Variants in GALNT17 observed in about 807,000 individuals in gnomAD.
GALNT17 encodes polypeptide N-acetylgalactosaminyltransferase 17.
GALNT17 carries 29 observed loss-of-function variants against 63.7 expected under a neutral mutation model. The ratio of observed to expected loss-of-function variants is 0.46; its 90% CI spans 0.34 to 0.62. GALNT17 has a LOEUF of 0.62. GALNT17 is among the 20% of genes least tolerant of loss of function. The pLI is 0.01. For synonymous variants in GALNT17, 305 were observed against 318.3 expected, an observed-to-expected ratio of 0.96 and a Z score of 0.45; for missense variants, 603 against 799.6, an observed-to-expected ratio of 0.75 and a Z score of 2.97.
At chr7:71,526,565 G>A (rs1422989195) in intron 5 of GALNT17, among the ~76,000 whole-genome samples, 1 of 151,938 alleles carries the variant, frequency 6.6e-6, no homozygotes, top group Non-Finnish European at 1.5e-5. Context: ...TGTCGCCCAG[G>A]CTGGAGTGCA....
chr7:71,418,850 C>T (rs1786602929), intron 4 of GALNT17, among the ~76,000 whole-genome samples: 1 of 152,188 alleles, frequency 6.6e-6, no homozygotes, highest in Admixed American at 6.5e-5. Context: ...CACCTCTCAG[C>T]ACTTTGGGAG....
chr7:71,340,065 G>T (rs1431876956), intron 2 of GALNT17, among the ~76,000 whole-genome samples: 1 of 152,236 alleles, frequency 6.6e-6, no homozygotes, highest in African/African-American at 2.4e-5. Context: ...CATGAGGTGG[G>T]TGGGGGTTTG....
chr7:71,149,363 G>A (rs1171360340), intron 1 of GALNT17, among the ~76,000 whole-genome samples: 1 of 152,144 alleles, frequency 6.6e-6, no homozygotes, highest in Non-Finnish European at 1.5e-5. Context: ...TTGTCCAGAG[G>A]CACCTACCAG....
intron 5 of GALNT17, among the ~76,000 whole-genome samples, chr7:71,550,977 A>C (rs1460895094): frequency 2.0e-5 from 3 of 151,760 alleles, no homozygotes; most frequent in African/African-American, 7.3e-5. Context: ...AGATTTGTTG[A>C]GCTTTGAATA....
rs187432852 is a variant in GALNT17, at chr7:71,297,248, A to G, written c.239-38302A>G. On this transcript the variant is annotated intron_variant, in intron 1 of 10. Transcript: ENST00000333538. ...AGTCTCAAAGCTGATCTCATACACC[A>G]AAAGACGCCTGGGGCCGGGCACAGT... is the stretch of plus-strand genomic sequence containing the variant. 1.3e-4 allele frequency among the ~76,000 whole-genome samples: 20 copies of G among 152,258 alleles called. No individual in the cohort carries two copies. The East Asian group carries it at 3.5e-3, about 26-fold the overall frequency.
intron 1 of GALNT17, among the ~76,000 whole-genome samples, chr7:71,271,219 A>AAT (rs1790582641): frequency 6.6e-6 from 1 of 152,208 alleles, no homozygotes; most frequent in South Asian, 2.1e-4. Flanking sequence ...TTTTCTTTAC[A>AAT]ATAGCCCATA....
chr7:71,326,517 T>C (rs1052182515), intron 1 of GALNT17, among the ~76,000 whole-genome samples: 1 of 152,118 alleles, frequency 6.6e-6, no homozygotes, highest in South Asian at 2.1e-4. Context: ...CTCCCAACAT[T>C]CCAACTTCCA....
At chr7:71,242,679 A>G (rs1790021478) in intron 1 of GALNT17, among the ~76,000 whole-genome samples, 1 of 152,162 alleles carries the variant, frequency 6.6e-6, no homozygotes, top group Non-Finnish European at 1.5e-5. Context: ...CTTGGACTAC[A>G]AGGAAGAGGG....
At chr7:71,647,483 C>T (rs1790696693) in intron 6 of GALNT17, among the ~76,000 whole-genome samples, 1 of 152,160 alleles carries the variant, frequency 6.6e-6, no homozygotes, top group South Asian at 2.1e-4. Context: ...GTGACAGCTT[C>T]TCCTGTCCTC....
chr7:71,669,926 A>G, intron 7 of GALNT17, 46 bp from the exon 8 acceptor site: 2 of 1,608,378 alleles, frequency 1.2e-6, no homozygotes, highest in Non-Finnish European at 1.7e-6. Flanking sequence ...CACTCTGGCC[A>G]GAGCTCCACA....
chr7:71,438,532 A>G (rs1787008291), intron 5 of GALNT17, among the ~76,000 whole-genome samples: 1 of 152,202 alleles, frequency 6.6e-6, no homozygotes, highest in Non-Finnish European at 1.5e-5. Context: ...ATTAATCATC[A>G]CAGATGCATT....
intron 5 of GALNT17, among the ~76,000 whole-genome samples, chr7:71,431,419 A>G (rs1786864647): frequency 6.6e-6 from 1 of 152,002 alleles, no homozygotes; most frequent in African/African-American, 2.4e-5. Context: ...CATGTTGGTC[A>G]GGTTGGTCTC....
At chr7:71,665,839 C>G (rs758802638) in intron 7 of GALNT17, among the ~76,000 whole-genome samples, 1 of 152,100 alleles carries the variant, frequency 6.6e-6, no homozygotes, top group Non-Finnish European at 1.5e-5. Context: ...GTGTGTTAAT[C>G]CCAGTCTTAT....
intron 1 of GALNT17, among the ~76,000 whole-genome samples, chr7:71,261,669 G>T (rs1490381598): frequency 6.6e-6 from 1 of 152,238 alleles, no homozygotes; most frequent in Non-Finnish European, 1.5e-5. Flanking sequence ...GTAGTGCCTG[G>T]CAGGGGGCTT....
At chr7:71,541,151 G>A (rs1181718680) in intron 5 of GALNT17, among the ~76,000 whole-genome samples, 1 of 151,962 alleles carries the variant, frequency 6.6e-6, no homozygotes, top group Non-Finnish European at 1.5e-5. Flanking sequence ...GGCTAAGGCA[G>A]GAGAATCACT....
At chr7:71,292,764 ATTG>A (rs1371594981) in intron 1 of GALNT17, among the ~76,000 whole-genome samples, 1 of 150,564 alleles carries the variant, frequency 6.6e-6, no homozygotes, top group Non-Finnish European at 1.5e-5. Flanking sequence ...ACAATACAGT[ATTG>A]TTAACTTTGT....
intron 6 of GALNT17, among the ~76,000 whole-genome samples, chr7:71,648,540 TG>T (rs1790713353): frequency 2.0e-5 from 3 of 152,190 alleles, no homozygotes; most frequent in Admixed American, 2.0e-4. Context: ...CCCAAAGTAC[TG>T]GGATGACAGG....
At chr7:71,269,299 T>C (rs1001850671) in intron 1 of GALNT17, among the ~76,000 whole-genome samples, 4 of 152,086 alleles carry the variant, frequency 2.6e-5, no homozygotes, top group African/African-American at 9.7e-5. Context: ...ACCCTATCTC[T>C]ACAAAAATAA....
At chr7:71,315,994 G>A (rs1388302057) in intron 1 of GALNT17, among the ~76,000 whole-genome samples, 1 of 152,160 alleles carries the variant, frequency 6.6e-6, no homozygotes, top group African/African-American at 2.4e-5. Flanking sequence ...AGGGCCATAT[G>A]ATTCTCCTTG....
Sources: allele counts gnomAD v4.1 joint callset (sites outside exome capture counted in the v4.1 genomes callset), GRCh38; gene constraint gnomAD v4.1.1; transcripts MANE v1.5; gene names NCBI Gene and HGNC (gene_info 2026-07-23, HGNC 2026-07-21).